The following DCC variants were observed in gnomAD, a reference collection of about 807,000 sequenced individuals.
DCC encodes DCC netrin 1 receptor.
In DCC, 58 loss-of-function variants were observed where a neutral mutation model predicts 172.5. The observed-to-expected ratio is 0.34, with a 90% CI of 0.27 to 0.42. The LOEUF (loss-of-function observed/expected upper bound fraction) is 0.42, where lower values mean the gene tolerates loss of function less well. Ranked by LOEUF, DCC falls within the 10% of genes least tolerant of loss-of-function variation. DCC has a pLI of 1.00. For synonymous variants in DCC, 709 were observed against 644.5 expected, an observed-to-expected ratio of 1.10 and a Z score of -1.52; for missense variants, 1,740 against 1,791.0, an observed-to-expected ratio of 0.97 and a Z score of 0.51.
rs1338072195 is a variant in DCC, at chr18:52,622,841, G to A, written c.92-129213G>A. On this transcript the variant is annotated intron_variant, in intron 1 of 28. Transcript: ENST00000442544. Reference sequence around the variant, plus strand: ...TTCACTGCCACACTTTTGATTTTAGGTGACCAAAAAAAATGATCATAGAAG... The same window carrying A: ...TTCACTGCCACACTTTTGATTTTAGATGACCAAAAAAAATGATCATAGAAG... Among the ~76,000 whole-genome samples, 3 of 152,128 alleles carry A rather than the reference G, an allele frequency of 2.0e-5. No homozygotes were observed. The East Asian group carries it at 5.8e-4, about 29-fold the overall frequency.
intron 27 of DCC, among the ~76,000 whole-genome samples, chr18:53,503,451 C>T (rs1302570565): frequency 1.3e-5 from 2 of 152,106 alleles, no homozygotes; most frequent in African/African-American, 2.4e-5. Context: ...ACCGTGAGAT[C>T]TTTACACATT....
intron 1 of DCC, among the ~76,000 whole-genome samples, chr18:52,566,076 A>C (rs1457297941): frequency 6.6e-6 from 1 of 152,094 alleles, no homozygotes; most frequent in Non-Finnish European, 1.5e-5. Flanking sequence ...TTTTCCCAAC[A>C]CCATTTATTA....
intron 1 of DCC, among the ~76,000 whole-genome samples, chr18:52,558,446 A>G (rs1206540087): frequency 6.6e-6 from 1 of 152,156 alleles, no homozygotes; most frequent in African/African-American, 2.4e-5. Context: ...ATGCACACAT[A>G]TATTTTTCTT....
intron 19 of DCC, among the ~76,000 whole-genome samples, chr18:53,404,279 A>AT: frequency 6.6e-6 from 1 of 152,036 alleles, no homozygotes; most frequent in Non-Finnish European, 1.5e-5. Flanking sequence ...TGGCAAAGGA[A>AT]AAATAAGTCA....
At chr18:52,348,777 T>G (rs1020084362) in intron 1 of DCC, among the ~76,000 whole-genome samples, 4 of 152,182 alleles carry the variant, frequency 2.6e-5, no homozygotes, top group Non-Finnish European at 5.9e-5. Context: ...GGCCTAGGCT[T>G]TATTTAAGCA....
In DCC at chr18:53,138,724, CA is replaced by C. The variant is rs1411790285; in HGVS notation, c.1262-18629del. 1.4e-4 allele frequency among the ~76,000 whole-genome samples: 21 copies of C among 152,256 alleles called. No individual in the cohort carries two copies. In the East Asian group the frequency reaches 4.1e-3, roughly 29 times the overall value. ...TTTGTCGTTGAATTGGTGAATATTT[CA>C]AACAATATGACAGACACTAACAATA... On this transcript the variant is annotated intron_variant, in intron 7 of 28. Transcript: ENST00000442544.
At chr18:52,695,629 C>G (rs1348994927) in intron 1 of DCC, among the ~76,000 whole-genome samples, 1 of 152,104 alleles carries the variant, frequency 6.6e-6, no homozygotes, top group East Asian at 1.9e-4. Context: ...AAAGTGGGAG[C>G]AGGAAAACAC....
At chr18:52,608,774 T>C (rs778826187) in intron 1 of DCC, among the ~76,000 whole-genome samples, 5 of 152,158 alleles carry the variant, frequency 3.3e-5, no homozygotes, top group Non-Finnish European at 7.4e-5. Flanking sequence ...TAGGTAAACA[T>C]ACATTCTCAA....
intron 1 of DCC, among the ~76,000 whole-genome samples, chr18:52,571,142 A>T (rs777137179): frequency 1.3e-5 from 2 of 152,180 alleles, no homozygotes; most frequent in Non-Finnish European, 2.9e-5. Flanking sequence ...GGCACTAGAA[A>T]ATCTGAGGAA....
intron 1 of DCC, among the ~76,000 whole-genome samples, chr18:52,729,588 C>T (rs952782738): frequency 6.6e-6 from 1 of 152,196 alleles, no homozygotes; most frequent in Admixed American, 6.6e-5. Flanking sequence ...TGCACAAAAA[C>T]AGGAACTATC....
intron 7 of DCC, among the ~76,000 whole-genome samples, chr18:53,115,446 A>G (rs1432594849): frequency 6.6e-6 from 1 of 151,388 alleles, no homozygotes; most frequent in Non-Finnish European, 1.5e-5. Context: ...GGGGCAGGGT[A>G]GTATAGAAAC....
intron 5 of DCC, among the ~76,000 whole-genome samples, chr18:52,993,357 G>A (rs2041426440): frequency 6.6e-6 from 1 of 152,138 alleles, no homozygotes; most frequent in Admixed American, 6.5e-5. Flanking sequence ...GTGCTTGGCG[G>A]TGGAAGAAAG....
At chr18:52,744,077 G>T (rs2036869489) in intron 1 of DCC, among the ~76,000 whole-genome samples, 1 of 152,058 alleles carries the variant, frequency 6.6e-6, no homozygotes, top group Non-Finnish European at 1.5e-5. Context: ...TGGAGGATAG[G>T]TTTCTCAGAT....
At chr18:52,422,824 A>C (rs776085514) in intron 1 of DCC, among the ~76,000 whole-genome samples, 4 of 152,136 alleles carry the variant, frequency 2.6e-5, no homozygotes, top group Non-Finnish European at 4.4e-5. Flanking sequence ...GAACCCAAAG[A>C]AGGGTGCAAA....
intron 14 of DCC, among the ~76,000 whole-genome samples, chr18:53,332,421 TA>T: frequency 6.6e-6 from 1 of 152,130 alleles, no homozygotes; most frequent in African/African-American, 2.4e-5. Context: ...CTTGTGGTAG[TA>T]ACAAAATTTG....
rs1176452694 is a variant in DCC, at chr18:53,047,335, TATA to T, written c.986-15963_986-15961del. On this transcript the variant is annotated intron_variant, in intron 5 of 28. Coordinates refer to ENST00000442544, the MANE Select transcript of DCC (RefSeq NM_005215.4). ...TTTTATATATATATAATTTTATATATATAATAATATGAAATACATATTATACAT... is the reference window on the plus strand; with the variant it reads ...TTTTATATATATATAATTTTATATATATAATATGAAATACATATTATACAT... 6.1e-3 allele frequency among the ~76,000 whole-genome samples: 636 copies of T among 103,934 alleles called. 18 individuals carry two copies. The highest frequency in any genetic ancestry group is 0.022 in the African/African-American group (597 of 26,648). 68.2% of individuals were successfully genotyped at this position (103,934 alleles called of 152,430 possible).
rs112637338 is a variant in DCC at position 53,221,401 on chromosome 18, T to A, written c.1911+5804T>A. On this transcript the variant is annotated intron_variant, in intron 12 of 28. Coordinates refer to ENST00000442544, the MANE Select transcript of DCC (RefSeq NM_005215.4). ...CTATCCAGCCGTCTCATTTTATCAA[T>A]GAGAAAATAATGTCAACTTTGAAAG... is the stretch of plus-strand genomic sequence containing the variant. Among the ~76,000 whole-genome samples, 254 of 152,200 alleles carry A rather than the reference T, an allele frequency of 1.7e-3. 2 individuals are homozygous for A. Among genetic ancestry groups the A allele is most frequent in the African/African-American group, 6.0e-3 (250 of 41,540 alleles).
chr18:52,690,685 G>C (rs997034088), intron 1 of DCC, among the ~76,000 whole-genome samples: 1 of 152,060 alleles, frequency 6.6e-6, no homozygotes, highest in Non-Finnish European at 1.5e-5. Flanking sequence ...AGACCAAGTG[G>C]CGTGTCCAAA....
intron 1 of DCC, among the ~76,000 whole-genome samples, chr18:52,520,633 T>C (rs2144665340): frequency 6.6e-6 from 1 of 152,294 alleles, no homozygotes; most frequent in South Asian, 2.1e-4. Flanking sequence ...CTGATCCAGT[T>C]CTTTTTATGT....
Sources: gnomAD v4.1 joint callset for allele counts (sites outside exome capture counted in the v4.1 genomes callset) on GRCh38, gnomAD v4.1.1 for gene constraint, MANE v1.5 for transcripts, NCBI Gene and HGNC (gene_info 2026-07-23, HGNC 2026-07-21) for gene names.